The following ATXN10 variants were observed in gnomAD, a reference collection of about 807,000 sequenced individuals.
ATXN10 encodes the protein ataxin-10.
Under a neutral mutation model 52.9 loss-of-function variants are expected in ATXN10, and 28 were observed. The observed-to-expected ratio is 0.53, with a 90% CI of 0.39 to 0.73. ATXN10 has a LOEUF of 0.73. ATXN10 is among the 30% of genes least tolerant of loss of function. ATXN10 has a pLI of 0.00. For missense variants in ATXN10, 565 were observed against 577.0 expected, an observed-to-expected ratio of 0.98 and a Z score of 0.21; for synonymous variants, 226 against 221.5, an observed-to-expected ratio of 1.02 and a Z score of -0.18.
At chr22:45,709,002 G>C (rs182998509) in intron 5 of ATXN10, among the ~76,000 whole-genome samples, 1 of 152,288 alleles carries the variant, frequency 6.6e-6, no homozygotes, top group East Asian at 1.9e-4. Context: ...TTATAACTGG[G>C]AGCAAAGCAT....
At chr22:45,794,663 A>G (rs996185898) in intron 9 of ATXN10, among the ~76,000 whole-genome samples, 4 of 152,230 alleles carry the variant, frequency 2.6e-5, no homozygotes, top group African/African-American at 7.2e-5. Context: ...ACAGGAATCA[A>G]TGGAATGACA....
chr22:45,705,626 G>A lies in ATXN10; in HGVS notation c.647+2779G>A, dbSNP rs1054755686. On this transcript the variant is annotated intron_variant, in intron 5 of 11. Coordinates refer to ENST00000252934, the MANE Select transcript of ATXN10 (RefSeq NM_013236.4). This position sits in a 1 kb window ranked among gnomAD's most constrained non-coding sequence, Gnocchi z 5.2. ...TTTTTTTGTATTTTTAGTAGAGACG[G>A]GGTTTCACCATCTTGGCCAGGTTGG... 2.6e-5 allele frequency among the ~76,000 whole-genome samples: 4 copies of A among 152,064 alleles called. No individual in the cohort carries two copies. Among genetic ancestry groups the A allele is most frequent in the African/African-American group, 9.7e-5 (4 of 41,410 alleles).
At chr22:45,731,417 C>G (rs1489763953) in intron 7 of ATXN10, among the ~76,000 whole-genome samples, 1 of 152,200 alleles carries the variant, frequency 6.6e-6, no homozygotes, top group Non-Finnish European at 1.5e-5. Flanking sequence ...TACCTTGACA[C>G]AACTTTGTAC....
rs903702904 is a variant in ATXN10, at chr22:45,690,178, A to T, written c.308+275A>T. Among the ~76,000 whole-genome samples, 2 of 151,372 alleles carry T rather than the reference A, an allele frequency of 1.3e-5. No homozygotes were observed. The highest frequency in any genetic ancestry group is 2.9e-5 in the Non-Finnish European group (2 of 67,882). ...GTAGTCCCAACTGCTCAGGAGACTG[A>T]GGTGGGAGGATTGCTTGGGCCAGGG... On this transcript the variant is annotated intron_variant, in intron 2 of 11. Coordinates refer to ENST00000252934, the MANE Select transcript of ATXN10 (RefSeq NM_013236.4). This position sits in a 1 kb window ranked among gnomAD's most constrained non-coding sequence, Gnocchi z 4.5.
At chr22:45,797,690 A>G (rs1397838721) in intron 9 of ATXN10, among the ~76,000 whole-genome samples, 1 of 152,226 alleles carries the variant, frequency 6.6e-6, no homozygotes, top group Admixed American at 6.5e-5. Flanking sequence ...ATTAACAAAG[A>G]TAAGAATGGA....
chr22:45,831,326 G>A (rs546642479), intron 10 of ATXN10, among the ~76,000 whole-genome samples: 1 of 152,036 alleles, frequency 6.6e-6, no homozygotes, highest in South Asian at 2.1e-4. Flanking sequence ...GTACTCTTTA[G>A]TATAGTTAGG....
At chr22:45,793,937 A>G (rs1927612739) in intron 9 of ATXN10, among the ~76,000 whole-genome samples, 1 of 152,236 alleles carries the variant, frequency 6.6e-6, no homozygotes, top group African/African-American at 2.4e-5. Flanking sequence ...GCTGCCCTAT[A>G]GGCAGTGTGC....
chr22:45,826,611 G>A lies in ATXN10; in HGVS notation c.1238-16380G>A, dbSNP rs536807833. Among the ~76,000 whole-genome samples, 1 of 152,212 alleles carries A rather than the reference G, an allele frequency of 6.6e-6. No homozygotes were observed. The highest frequency in any genetic ancestry group is 1.9e-4 in the East Asian group (1 of 5,204). On this transcript the variant is annotated intron_variant, in intron 10 of 11. Coordinates refer to ENST00000252934, the MANE Select transcript of ATXN10 (RefSeq NM_013236.4). The surrounding 1 kb of genome is among the most constrained non-coding windows in gnomAD (Gnocchi z 5.0). ...CAGTTTTCTTATTAGAAACTTTGGA[G>A]GCCAGAAGGCAGTGGGCCAAAATGT...
In ATXN10 at chr22:45,757,466, G is replaced by A. The variant is rs148590755; in HGVS notation, c.1173+16928G>A. 1.0e-3 allele frequency among the ~76,000 whole-genome samples: 154 copies of A among 152,256 alleles called. No individual in the cohort carries two copies. In the Middle Eastern group the frequency reaches 0.017, roughly 17 times the overall value. On this transcript the variant is annotated intron_variant, in intron 9 of 11. Transcript: ENST00000252934. This position sits in a 1 kb window ranked among gnomAD's most constrained non-coding sequence, Gnocchi z 4.6. ...GGGATTCAGGATTTCGCTGCTCCCCGTTCAAGGCCTCTGGAGAATGTTCCA... is the reference window on the plus strand; with the variant it reads ...GGGATTCAGGATTTCGCTGCTCCCCATTCAAGGCCTCTGGAGAATGTTCCA...
At position 45,681,139 on chromosome 22, in the gene ATXN10, AG is replaced by A. The variant is rs374695520; in HGVS notation, c.117-8572del. On this transcript the variant is annotated intron_variant, in intron 1 of 11. Coordinates refer to ENST00000252934, the MANE Select transcript of ATXN10 (RefSeq NM_013236.4). The surrounding 1 kb of genome is among the most constrained non-coding windows in gnomAD (Gnocchi z 4.2). ...GGTCAGTCTGCCTCATTCCTTGAAG[AG>A]TTTAGCCCTGGCTCACTTTTCACTC... Among the ~76,000 whole-genome samples, 56 of 152,294 alleles carry A rather than the reference AG, an allele frequency of 3.7e-4. No homozygotes were observed. Among genetic ancestry groups the A allele is most frequent in the African/African-American group, 1.3e-3 (52 of 41,566 alleles).
In ATXN10 at chr22:45,754,831, G is replaced by A. The variant is rs200163626; in HGVS notation, c.1173+14293G>A. Among the ~76,000 whole-genome samples the A allele has an allele frequency of 2.0e-5, 3 of 152,352 alleles. No homozygotes were observed. In the East Asian group the frequency reaches 5.8e-4, roughly 29 times the overall value. ...GATCGTGCCACTGCACTCCAGCCTG[G>A]GCAACAGAGTGAGACTCTGTCTCAA... On this transcript the variant is annotated intron_variant, in intron 9 of 11. Coordinates refer to ENST00000252934, the MANE Select transcript of ATXN10 (RefSeq NM_013236.4). This position sits in a 1 kb window ranked among gnomAD's most constrained non-coding sequence, Gnocchi z 5.4.
At chr22:45,811,519 C>T (rs955906194) in intron 10 of ATXN10, among the ~76,000 whole-genome samples, 1 of 152,164 alleles carries the variant, frequency 6.6e-6, no homozygotes, top group African/African-American at 2.4e-5. Context: ...AGATACTTAT[C>T]ATTGTATTAT....
chr22:45,778,854 ATAAT>A (rs1288922822), intron 9 of ATXN10, among the ~76,000 whole-genome samples: 2 of 151,734 alleles, frequency 1.3e-5, no homozygotes, highest in South Asian at 2.1e-4. Context: ...TTCAATTTTG[ATAAT>A]TAATTAATTT....
chr22:45,749,159 G>T (rs975107359), intron 9 of ATXN10, among the ~76,000 whole-genome samples: 2 of 152,130 alleles, frequency 1.3e-5, no homozygotes, highest in Non-Finnish European at 2.9e-5. Flanking sequence ...TCCTACCACT[G>T]CATATTCCTC....
At chr22:45,673,477 T>C (rs1189151048) in intron 1 of ATXN10, 2 of 152,190 alleles carry the variant, frequency 1.3e-5, no homozygotes, top group African/African-American at 4.8e-5. Context: ...TATGGGCCTT[T>C]GGGGGAGATG....
Position 45,762,082 on chromosome 22 carries a change from A to G in ATXN10, c.1173+21544A>G, listed in dbSNP as rs533853506. 6.6e-6 allele frequency among the ~76,000 whole-genome samples: 1 copy of G among 152,214 alleles called. No homozygotes were observed. Among genetic ancestry groups the G allele is most frequent in the African/African-American group, 2.4e-5 (1 of 41,444 alleles). ...TTCACTTTATGGTTTAAGTGAGCCA[A>G]CCAACAAAAGTTACTCATAAAAGAT... On this transcript the variant is annotated intron_variant, in intron 9 of 11. Transcript: ENST00000252934. The surrounding 1 kb of genome is among the most constrained non-coding windows in gnomAD (Gnocchi z 4.3).
chr22:45,783,157 T>C lies in ATXN10; in HGVS notation c.1174-23802T>C, dbSNP rs368980957. Reference sequence around the variant, plus strand: ...TCACTACTCTTGTACTTTGAGGTCATTGTTAAGTAAGATAAGGGTTCCATG... The same window carrying C: ...TCACTACTCTTGTACTTTGAGGTCACTGTTAAGTAAGATAAGGGTTCCATG... On this transcript the variant is annotated intron_variant, in intron 9 of 11. Coordinates refer to ENST00000252934, the MANE Select transcript of ATXN10 (RefSeq NM_013236.4). The surrounding 1 kb of genome is among the most constrained non-coding windows in gnomAD (Gnocchi z 5.0). Among the ~76,000 whole-genome samples, 11 of 152,270 alleles carry C rather than the reference T, an allele frequency of 7.2e-5. No individual in the cohort carries two copies. In the South Asian group the frequency reaches 1.9e-3, roughly 26 times the overall value.
rs1347407639 is a variant in ATXN10, at chr22:45,781,622, A to G, written c.1174-25337A>G. On this transcript the variant is annotated intron_variant, in intron 9 of 11. Transcript: ENST00000252934. The surrounding 1 kb of genome is among the most constrained non-coding windows in gnomAD (Gnocchi z 4.2). ...AATCTTAGCTTAAGTGAGCAAAGGC[A>G]GTCAACAGATGCCAATACCAAGATG... is the stretch of plus-strand genomic sequence containing the variant. Among the ~76,000 whole-genome samples the G allele has an allele frequency of 6.6e-6, 1 of 152,252 alleles. No homozygotes were observed. The highest frequency in any genetic ancestry group is 2.4e-5 in the African/African-American group (1 of 41,470).
intron 9 of ATXN10, among the ~76,000 whole-genome samples, chr22:45,800,877 A>T (rs1927908761): frequency 6.6e-6 from 1 of 152,234 alleles, no homozygotes; most frequent in African/African-American, 2.4e-5. Flanking sequence ...GATGCCTAAG[A>T]GGAGATGGGG....
Sources: gnomAD v4.1 joint callset for allele counts (sites outside exome capture counted in the v4.1 genomes callset) on GRCh38, gnomAD v4.1.1 for gene constraint, Gnocchi (gnomAD v3.1) non-coding constraint, MANE v1.5 for transcripts, NCBI Gene and HGNC (gene_info 2026-07-23, HGNC 2026-07-21) for gene names.